Variants in MID1 observed in about 807,000 individuals in gnomAD.
The protein encoded by MID1 is midline 1, also known as E3 ubiquitin-protein ligase Midline-1.
In MID1, 7 loss-of-function variants were observed where a neutral mutation model predicts 40.4. The observed-to-expected ratio is 0.17, with a 90% CI of 0.10 to 0.33. MID1 has a LOEUF of 0.33. MID1 is among the 10% of genes least tolerant of loss of function. The pLI, the probability that MID1 is intolerant of heterozygous loss-of-function variation, is 1.00. For missense variants in MID1, 367 were observed against 558.5 expected (o/e 0.66, Z 3.46); for synonymous variants, 229 against 221.2 (o/e 1.04, Z -0.31).
intron 1 of MID1, among the ~76,000 whole-genome samples, chrX:10,602,418 C>G (rs1047150476): frequency 9.1e-6 from 1 of 109,666 alleles, no homozygotes; most frequent in African/African-American, 3.3e-5. Flanking sequence ...TACTTAATTC[C>G]AGAGCATTTT....
chrX:10,591,768 C>A (rs1327923183), intron 1 of MID1, among the ~76,000 whole-genome samples: 1 of 108,968 alleles, frequency 9.2e-6, no homozygotes. Context: ...ACTGGCAGCT[C>A]CAAGGATTAA....
chrX:10,449,271 A>G lies in MID1; in HGVS notation c.*97T>C. 1 of 753,839 alleles carries G rather than the reference A, an allele frequency of 1.3e-6. No individual in the cohort carries two copies. The highest frequency in any genetic ancestry group is 2.0e-6 in the Non-Finnish European group (1 of 508,565). 62.1% of individuals were successfully genotyped at this position (753,839 alleles called of 1,213,427 possible). Reference sequence around the variant, plus strand: ...CCGATTTCGGGACACTTCTGGTGAGATTTCATTACACTCATGAAGCCTGTG... The same window carrying G: ...CCGATTTCGGGACACTTCTGGTGAGGTTTCATTACACTCATGAAGCCTGTG... On this transcript the variant is annotated 3_prime_UTR_variant, in exon 10 of 10. Transcript: ENST00000317552.
chrX:10,669,219 C>T (rs2042971660), intron 1 of MID1, among the ~76,000 whole-genome samples: 1 of 87,527 alleles, frequency 1.1e-5, no homozygotes, highest in Non-Finnish European at 2.1e-5. Flanking sequence ...GAGTGAGACT[C>T]CGTCTCAAAA....
intron 4 of MID1, among the ~76,000 whole-genome samples, chrX:10,486,918 C>T (rs887050940): frequency 4.5e-5 from 5 of 111,893 alleles, no homozygotes; most frequent in African/African-American, 1.6e-4. Flanking sequence ...AGCATGATTA[C>T]GGATCACTGC....
chrX:10,683,767 C>T (rs1224793760), intron 1 of MID1, among the ~76,000 whole-genome samples: 1 of 78,176 alleles, frequency 1.3e-5, no homozygotes, highest in African/African-American at 6.0e-5. Flanking sequence ...AATTGCACGT[C>T]ATCTTTTTTT....
intron 3 of MID1, among the ~76,000 whole-genome samples, chrX:10,507,058 G>A (rs908537306): frequency 1.8e-5 from 2 of 111,972 alleles, no homozygotes; most frequent in African/African-American, 6.5e-5. Flanking sequence ...TGGAACAATG[G>A]TTTGAGAACT....
In MID1 at chrX:10,446,324, G is replaced by A. The variant is rs1928036587; in HGVS notation, c.*3044C>T. The A allele has an allele frequency of 8.9e-6, 1 of 112,004 alleles. No individual in the cohort carries two copies. Among genetic ancestry groups the A allele is most frequent in the Admixed American group, 9.4e-5 (1 of 10,594 alleles). 9.2% of individuals were successfully genotyped at this position (112,004 alleles called of 1,213,427 possible). A position where few individuals can be genotyped will look rare whatever the true frequency, so the allele number is the denominator to read the frequency against. On this transcript the variant is annotated 3_prime_UTR_variant, in exon 10 of 10. Transcript: ENST00000317552. ...CAGGTATCTGCATGTTCCTGGAGCT[G>A]AGATGGAATTCCACGGTCACTGGAG...
intron 2 of MID1, among the ~76,000 whole-genome samples, chrX:10,535,615 C>T (rs1933218091): frequency 9.0e-6 from 1 of 111,713 alleles, no homozygotes; most frequent in Non-Finnish European, 1.9e-5. Context: ...CTAAAAAGAG[C>T]TACTGAATGG....
chrX:10,518,822 AGAAT>A (rs747792699), intron 3 of MID1, among the ~76,000 whole-genome samples: 21 of 112,182 alleles, frequency 1.9e-4, no homozygotes, highest in Non-Finnish European at 3.9e-4. Flanking sequence ...AACAGAGAAA[AGAAT>A]GAATATTCTT....
intron 1 of MID1, among the ~76,000 whole-genome samples, chrX:10,787,289 C>G (rs1009845320): frequency 3.6e-5 from 4 of 109,899 alleles, no homozygotes; most frequent in Admixed American, 9.7e-5. Context: ...AAACACCAAA[C>G]TGTTAAAACT....
intron 1 of MID1, among the ~76,000 whole-genome samples, chrX:10,809,963 C>A (rs1042320003): frequency 1.8e-5 from 2 of 110,764 alleles, no homozygotes; most frequent in African/African-American, 6.5e-5. Flanking sequence ...AAAAGAAGCT[C>A]CTCTCTGAGA....
chrX:10,573,220 T>G (rs981910496), intron 1 of MID1, among the ~76,000 whole-genome samples: 18 of 112,712 alleles, frequency 1.6e-4, no homozygotes, highest in Admixed American at 1.6e-3. Flanking sequence ...TCTTCTTCCT[T>G]TCCTTTCCTC....
chrX:10,740,690 G>C (rs1178082390), intron 1 of MID1, among the ~76,000 whole-genome samples: 1 of 110,804 alleles, frequency 9.0e-6, no homozygotes, highest in Non-Finnish European at 1.9e-5. Context: ...CTGTTGTTAG[G>C]ATTGAATATA....
chrX:10,565,850 C>T (rs1171420508), intron 2 of MID1, among the ~76,000 whole-genome samples: 1 of 104,266 alleles, frequency 9.6e-6, no homozygotes, highest in Admixed American at 1.0e-4. Context: ...CGCTCTTTCA[C>T]CCAGGCTGGA....
chrX:10,604,763 C>G (rs1273169417), intron 1 of MID1, among the ~76,000 whole-genome samples: 1 of 112,097 alleles, frequency 8.9e-6, no homozygotes, highest in Non-Finnish European at 1.9e-5. Flanking sequence ...CATTTTATCC[C>G]AAATAACCAA....
chrX:10,819,826 T>C (rs922198937), intron 1 of MID1, among the ~76,000 whole-genome samples: 117 of 111,964 alleles, frequency 1.0e-3, no homozygotes, highest in Non-Finnish European at 1.2e-3. Flanking sequence ...ATGAGAGTAA[T>C]CTTCCAGATG....
intron 3 of MID1, among the ~76,000 whole-genome samples, chrX:10,503,863 G>A (rs1931683316): frequency 8.9e-6 from 1 of 112,272 alleles, no homozygotes; most frequent in Non-Finnish European, 1.9e-5. Context: ...GGTGAGTAGA[G>A]CAATTAAATT....
At chrX:10,634,685 C>T (rs150484456) in intron 1 of MID1, among the ~76,000 whole-genome samples, 2,967 of 111,850 alleles carry the variant, frequency 0.027, 46 homozygotes, top group African/African-American at 0.058. Flanking sequence ...TTTGACGTGC[C>T]GTGTTCAAGA....
chrX:10,634,019 A>AG (rs201014134), intron 1 of MID1, among the ~76,000 whole-genome samples: 1,158 of 110,944 alleles, frequency 0.01, 21 homozygotes, highest in African/African-American at 0.036. Context: ...GACAGAGAGA[A>AG]AGTCTCTTGG....
Sources: gnomAD v4.1 joint callset for allele counts (sites outside exome capture counted in the v4.1 genomes callset) on GRCh38, gnomAD v4.1.1 for gene constraint, MANE v1.5 for transcripts, NCBI Gene and HGNC (gene_info 2026-07-23, HGNC 2026-07-21) for gene names.